Variants in CTNND2 observed in about 807,000 individuals in gnomAD.
The protein encoded by CTNND2 is catenin delta-2.
In CTNND2, 22 loss-of-function variants were observed where a neutral mutation model predicts 144.4. That is an observed-to-expected ratio of 0.15 (90% CI 0.11 to 0.22). The LOEUF (loss-of-function observed/expected upper bound fraction) is 0.22. Among genes scored for constraint, CTNND2 ranks in the 10% least tolerant of loss-of-function variants. The pLI is 1.00. For missense variants in CTNND2, 1,353 were observed against 1,618.8 expected, an observed-to-expected ratio of 0.84 and a Z score of 2.82; for synonymous variants, 751 against 695.6, an observed-to-expected ratio of 1.08 and a Z score of -1.25.
At chr5:11,562,649 T>G (rs897738806) in intron 3 of CTNND2, among the ~76,000 whole-genome samples, 13 of 152,362 alleles carry the variant, frequency 8.5e-5, no homozygotes, top group African/African-American at 2.9e-4. Flanking sequence ...AAGACAGATT[T>G]ATTGATTATA....
At chr5:11,673,476 C>T (rs1230970359) in intron 2 of CTNND2, among the ~76,000 whole-genome samples, 5 of 152,010 alleles carry the variant, frequency 3.3e-5, no homozygotes, top group African/African-American at 9.7e-5. Context: ...AAAGACTTAT[C>T]TGAAATTGCA....
intron 1 of CTNND2, among the ~76,000 whole-genome samples, chr5:11,870,982 G>T (rs1735058110): frequency 1.3e-5 from 2 of 152,154 alleles, no homozygotes; most frequent in African/African-American, 4.8e-5. Flanking sequence ...AATGGTATTT[G>T]GAGACAGGGG....
chr5:11,670,475 G>A (rs776332187), intron 2 of CTNND2, among the ~76,000 whole-genome samples: 24 of 152,152 alleles, frequency 1.6e-4, no homozygotes, highest in Non-Finnish European at 2.9e-4. Flanking sequence ...AGCTCTTCTT[G>A]TTGCATTGAT....
At chr5:11,798,477 CAG>C (rs1336215872) in intron 1 of CTNND2, among the ~76,000 whole-genome samples, 1 of 151,896 alleles carries the variant, frequency 6.6e-6, no homozygotes, top group East Asian at 2.0e-4. Context: ...TCTACAAAAA[CAG>C]AGGATTTGGC....
At chr5:11,005,876 C>A (rs1422352834) in intron 18 of CTNND2, among the ~76,000 whole-genome samples, 3 of 152,130 alleles carry the variant, frequency 2.0e-5, no homozygotes, top group Non-Finnish European at 2.9e-5. Context: ...ACCATGGGAG[C>A]AGGGTGCAGC....
intron 5 of CTNND2, among the ~76,000 whole-genome samples, chr5:11,410,648 C>T (rs1046000135): frequency 1.3e-5 from 2 of 151,928 alleles, no homozygotes; most frequent in South Asian, 2.1e-4. Context: ...TTGAAAAATA[C>T]GTCATTAAAT....
chr5:11,529,470 A>C (rs577655063), intron 3 of CTNND2, among the ~76,000 whole-genome samples: 1 of 152,248 alleles, frequency 6.6e-6, no homozygotes, highest in African/African-American at 2.4e-5. Context: ...AATTTGAGCC[A>C]TCTTTGATCT....
intron 16 of CTNND2, among the ~76,000 whole-genome samples, chr5:11,063,121 A>G (rs924157430): frequency 2.0e-5 from 3 of 152,210 alleles, no homozygotes; most frequent in African/African-American, 7.2e-5. Flanking sequence ...AGAAGTTCAA[A>G]GAATCAAGTA....
chr5:11,860,139 G>A (rs1203776263), intron 1 of CTNND2, among the ~76,000 whole-genome samples: 1 of 152,090 alleles, frequency 6.6e-6, no homozygotes, highest in African/African-American at 2.4e-5. Flanking sequence ...GTGAAAACTT[G>A]ACAATTTTAT....
At chr5:11,704,180 A>C (rs886645889) in intron 2 of CTNND2, among the ~76,000 whole-genome samples, 3 of 152,250 alleles carry the variant, frequency 2.0e-5, no homozygotes, top group Non-Finnish European at 4.4e-5. Context: ...AATAGTGCTC[A>C]TCCCATCAAT....
chr5:11,848,695 C>T (rs1300131991), intron 1 of CTNND2, among the ~76,000 whole-genome samples: 1 of 152,184 alleles, frequency 6.6e-6, no homozygotes, highest in East Asian at 1.9e-4. Flanking sequence ...ACACCCAGAG[C>T]TTCTCGTAGA....
intron 2 of CTNND2, among the ~76,000 whole-genome samples, chr5:11,614,215 C>T (rs887344561): frequency 5.3e-5 from 8 of 152,060 alleles, no homozygotes; most frequent in Non-Finnish European, 8.8e-5. Flanking sequence ...ATACTGATCA[C>T]CTTTTATGTA....
At chr5:11,311,575 C>A (rs1464267791) in intron 9 of CTNND2, among the ~76,000 whole-genome samples, 4 of 148,898 alleles carry the variant, frequency 2.7e-5, no homozygotes, top group Non-Finnish European at 4.5e-5. Context: ...TCCCCATGCA[C>A]CCTCAACCCA....
At chr5:11,781,052 G>A (rs1790516505) in intron 1 of CTNND2, among the ~76,000 whole-genome samples, 2 of 152,080 alleles carry the variant, frequency 1.3e-5, no homozygotes, top group Admixed American at 1.3e-4. Context: ...CCTTTTAAAG[G>A]CACTGCTTTA....
chr5:11,581,396 T>C (rs769590087), intron 2 of CTNND2, among the ~76,000 whole-genome samples: 1 of 152,260 alleles, frequency 6.6e-6, no homozygotes, highest in Non-Finnish European at 1.5e-5. Context: ...TCTTTGATTA[T>C]AGTTTTGAAT....
intron 1 of CTNND2, among the ~76,000 whole-genome samples, chr5:11,819,505 A>C (rs1793199311): frequency 6.6e-6 from 1 of 152,170 alleles, no homozygotes; most frequent in South Asian, 2.1e-4. Context: ...CAAAACCTTA[A>C]GTAATTTTCT....
chr5:11,067,667 A>T (rs1048345907), intron 16 of CTNND2, among the ~76,000 whole-genome samples: 1 of 152,244 alleles, frequency 6.6e-6, no homozygotes, highest in African/African-American at 2.4e-5. Context: ...CCCTGCCCTC[A>T]TTGAAGAATT....
intron 3 of CTNND2, among the ~76,000 whole-genome samples, chr5:11,536,986 G>C (rs1266128770): frequency 4.0e-5 from 6 of 151,850 alleles, no homozygotes; most frequent in Non-Finnish European, 8.8e-5. Flanking sequence ...TATCTGCCTG[G>C]GGATTTAGAA....
At chr5:11,533,106 C>T (rs905911798) in intron 3 of CTNND2, among the ~76,000 whole-genome samples, 1 of 152,224 alleles carries the variant, frequency 6.6e-6, no homozygotes, top group Non-Finnish European at 1.5e-5. Flanking sequence ...TTCACAAAGA[C>T]TCTCACTCTG....
Sources: gnomAD v4.1 joint callset for allele counts (sites outside exome capture counted in the v4.1 genomes callset) on GRCh38, gnomAD v4.1.1 for gene constraint, MANE v1.5 for transcripts, NCBI Gene and HGNC (gene_info 2026-07-23, HGNC 2026-07-21) for gene names.